The following CENPK variants were observed in gnomAD, a reference collection of about 807,000 sequenced individuals.
The protein encoded by CENPK is SoxLZ/Sox6-binding protein Solt.
Under a neutral mutation model 40.9 loss-of-function variants are expected in CENPK, and 46 were observed. The observed-to-expected ratio is 1.13, with a 90% CI of 0.89 to 1.44. The LOEUF (loss-of-function observed/expected upper bound fraction) is 1.44, where lower values mean the gene tolerates loss of function less well. CENPK is among the 40% of genes most tolerant of loss of function. CENPK has a pLI of 0.00. For missense variants in CENPK, 288 were observed against 303.5 expected (o/e 0.95, Z 0.38); for synonymous variants, 107 against 104.4 (o/e 1.02, Z -0.15).
intron 5 of CENPK, chr5:65,550,766 T>TA (rs1027986790): frequency 1.9e-4 from 29 of 149,002 alleles, no homozygotes; most frequent in Admixed American, 8.0e-4. Context: ...CTCTCACATT[T>TA]AAAAAAAAAA....
At position 65,533,350 on chromosome 5, in the gene CENPK, A is replaced by AAAATAAATAAATAAATAAATAAATAAAT. The variant is rs61642453; in HGVS notation, c.289-4152_289-4151insATTTATTTATTTATTTATTTATTTATTT. Among the ~76,000 whole-genome samples the AAAATAAATAAATAAATAAATAAATAAAT allele has an allele frequency of 8.1e-3, 1,202 of 148,174 alleles. 13 individuals are homozygous for AAAATAAATAAATAAATAAATAAATAAAT. Among genetic ancestry groups the AAAATAAATAAATAAATAAATAAATAAAT allele is most frequent in the African/African-American group, 0.022 (900 of 40,170 alleles). On this transcript the variant is annotated intron_variant, in intron 6 of 10. Transcript: ENST00000396679. Reference sequence around the variant, plus strand: ...GGGTGACAGAGTAAGACCCTGTATCAAAATAAATAAATAAATAAATAAAAT... The same window carrying AAAATAAATAAATAAATAAATAAATAAAT: ...GGGTGACAGAGTAAGACCCTGTATCAAAATAAATAAATAAATAAATAAATAAATAAATAAATAAATAAATAAATAAAAT...
chr5:65,512,386 T>C, the CENPK span, among the ~76,000 whole-genome samples: 1 of 152,116 alleles, frequency 6.6e-6, no homozygotes, highest in Non-Finnish European at 1.5e-5. Flanking sequence ...AATCTTTTTG[T>C]GAAAGTAAGA....
At chr5:65,528,781 C>A in intron 8 of CENPK, 138 bp downstream of exon 8, 1 of 889,462 alleles carries the variant, frequency 1.1e-6, no homozygotes, top group African/African-American at 1.7e-5. Flanking sequence ...CATAAAAGAT[C>A]ATATAATAGC....
intron 5 of CENPK, among the ~76,000 whole-genome samples, chr5:65,545,374 ACACACAC>A (rs1748739581): frequency 8.3e-6 from 1 of 120,034 alleles, no homozygotes; most frequent in African/African-American, 3.1e-5. Flanking sequence ...ACACACACAC[ACACACAC>A]GCCTTCTCTA....
At chr5:65,502,265 G>A in the CENPK span, among the ~76,000 whole-genome samples, 2 of 152,132 alleles carry the variant, frequency 1.3e-5, no homozygotes, top group African/African-American at 2.4e-5. Flanking sequence ...ATCTTCCATT[G>A]GTGTTTTCAA....
chr5:65,549,670 C>T (rs1363168513), intron 5 of CENPK, among the ~76,000 whole-genome samples: 1 of 152,300 alleles, frequency 6.6e-6, no homozygotes, highest in African/African-American at 2.4e-5. Context: ...TTCCTTAAAC[C>T]TCATGAACCA....
chr5:65,546,710 G>A (rs889259129), intron 5 of CENPK, among the ~76,000 whole-genome samples: 1 of 152,164 alleles, frequency 6.6e-6, no homozygotes, highest in African/African-American at 2.4e-5. Context: ...AAGAGTAGGC[G>A]ATTAGGACAC....
chr5:65,551,979 T>G (rs1750154305), intron 4 of CENPK, among the ~76,000 whole-genome samples: 1 of 150,464 alleles, frequency 6.6e-6, no homozygotes, highest in Non-Finnish European at 1.5e-5. Context: ...TTTTTTTTTT[T>G]GAGACAGTCT....
chr5:65,506,645 C>T, the CENPK span, among the ~76,000 whole-genome samples: 6 of 152,252 alleles, frequency 3.9e-5, no homozygotes, highest in East Asian at 1.9e-4. Context: ...ATTAGCCAGG[C>T]ATGTTGATGA....
At chr5:65,544,696 G>A (rs567125946) in intron 5 of CENPK, among the ~76,000 whole-genome samples, 273 of 152,230 alleles carry the variant, frequency 1.8e-3, no homozygotes, top group Non-Finnish European at 2.9e-3. Context: ...ATACTATTCA[G>A]CCTTAAAAAA....
chr5:65,501,170 G>A, the CENPK span, among the ~76,000 whole-genome samples: 1 of 126,284 alleles, frequency 7.9e-6, no homozygotes, highest in Non-Finnish European at 1.6e-5. Flanking sequence ...CAATTGCTAA[G>A]TTTGTTTTTT....
At chr5:65,557,188 A>G (rs966996433) in intron 2 of CENPK, among the ~76,000 whole-genome samples, 1 of 152,236 alleles carries the variant, frequency 6.6e-6, no homozygotes, top group African/African-American at 2.4e-5. Context: ...AATGTATTCA[A>G]GGAAGGAATG....
the CENPK span, among the ~76,000 whole-genome samples, chr5:65,510,899 A>G: frequency 6.6e-6 from 1 of 152,106 alleles, no homozygotes; most frequent in Non-Finnish European, 1.5e-5. Context: ...TTCCTCTCAG[A>G]CCCTTCACCA....
chr5:65,537,435 G>T (rs973652218), intron 6 of CENPK, among the ~76,000 whole-genome samples: 1 of 152,066 alleles, frequency 6.6e-6, no homozygotes, highest in Admixed American at 6.6e-5. Flanking sequence ...CTCCCAAGTA[G>T]GTGGGACTAC....
intron 1 of CENPK, among the ~76,000 whole-genome samples, chr5:65,561,926 GAA>G (rs1351985199): frequency 6.6e-6 from 1 of 151,764 alleles, no homozygotes; most frequent in Non-Finnish European, 1.5e-5. Flanking sequence ...CTGTGTAGAT[GAA>G]AAAGTCTTTG....
rs751328750 is a variant in CENPK at position 65,529,114 on chromosome 5, A to T, written c.371+3T>A. The stretch of plus-strand genomic sequence containing the variant: ...ATTAATAGTAATTGTAACATAAACA[A>T]ACCTTTCTAAGTCTTCCTTTAACTT... On this transcript the variant is annotated splice_donor_region_variant and intron_variant, in intron 7 of 10. Coordinates refer to ENST00000396679, the MANE Select transcript of CENPK (RefSeq NM_022145.5). 6.3e-7 allele frequency: 1 copy of T among 1,596,534 alleles called. No individual in the cohort carries two copies. The highest frequency in any genetic ancestry group is 2.2e-5 in the East Asian group (1 of 44,660).
rs756212865 is a variant in CENPK, at chr5:65,528,978, T to C, written c.411A>G (p.Glu137=). The change falls in exon 8 of 11, where the codon GAA becomes GAG. Residue 137 remains glutamate (E), a synonymous_variant. Coordinates refer to ENST00000396679, the MANE Select transcript of CENPK (RefSeq NM_022145.5). ...ATTCACTGTGTAGTACATTAAGAGA[T>C]TCCATTATCTGTTGCTGTTCATCCA... The part of the protein sequence containing the change: ...RWLDEQQQIM[E]SLNVLHSELK... 1.9e-6 allele frequency: 3 copies of C among 1,610,818 alleles called. No homozygotes were observed. The highest frequency in any genetic ancestry group is 2.7e-5 in the African/African-American group (2 of 74,924).
rs115748074 is a variant in CENPK, at chr5:65,535,681, C to A, written c.289-6482G>T. Among the ~76,000 whole-genome samples the A allele has an allele frequency of 1.9e-3, 286 of 152,308 alleles. 3 individuals carry two copies. The highest frequency in any genetic ancestry group is 6.8e-3 in the African/African-American group (282 of 41,558). ...TGGGAAAGAACTCTTGTAAGCTTAT[C>A]CCATGTGCCTTTTCCTTTGTTCATT... On this transcript the variant is annotated intron_variant, in intron 6 of 10. Coordinates refer to ENST00000396679, the MANE Select transcript of CENPK (RefSeq NM_022145.5).
At chr5:65,551,358 T>C (rs966155224) in intron 5 of CENPK, 1 of 485,980 alleles carries the variant, frequency 2.1e-6, no homozygotes, top group African/African-American at 2.0e-5. Context: ...TAATCAAGCT[T>C]ATTATAATCT....
Sources: gnomAD v4.1 joint callset for allele counts (sites outside exome capture counted in the v4.1 genomes callset) on GRCh38, gnomAD v4.1.1 for gene constraint, MANE v1.5 for transcripts, NCBI Gene and HGNC (gene_info 2026-07-23, HGNC 2026-07-21) for gene names.